Variants in MXI1 observed in about 807,000 individuals in gnomAD.
The protein encoded by MXI1 is max-interacting protein 1.
In MXI1, 18 loss-of-function variants were observed where a neutral mutation model predicts 36.9. The ratio of observed to expected loss-of-function variants is 0.49; its 90% CI spans 0.34 to 0.72. The LOEUF is 0.72. Among genes scored for constraint, MXI1 ranks in the 30% least tolerant of loss-of-function variants. The probability of loss-of-function intolerance (pLI) is 0.01; values close to 1 mark genes in which losing one functional copy is unlikely to be tolerated. For synonymous variants in MXI1, 160 were observed against 146.7 expected (o/e 1.09, Z -0.65); for missense variants, 304 against 379.1 (o/e 0.80, Z 1.64).
chr10:110,216,674 T>TTGTTTTGTTTTG (rs1564704560), intron 1 of MXI1, among the ~76,000 whole-genome samples: 4 of 93,172 alleles, frequency 4.3e-5, no homozygotes, highest in Non-Finnish European at 7.2e-5. Flanking sequence ...TGTTTTTTTT[T>TTGTTTTGTTTTG]TTTTTTTTTT....
intron 4 of MXI1, 110 bp downstream of exon 4, chr10:110,279,404 C>A: frequency 1.2e-6 from 1 of 866,178 alleles, no homozygotes; most frequent in Non-Finnish European, 1.9e-6. Context: ...TCCTTAATAA[C>A]TGACCTCAAG....
intron 3 of MXI1, among the ~76,000 whole-genome samples, chr10:110,248,858 AC>A (rs1359372652): frequency 6.6e-6 from 1 of 152,186 alleles, no homozygotes; most frequent in Non-Finnish European, 1.5e-5. Flanking sequence ...ATTTTTATCA[AC>A]AAAAATAAAA....
chr10:110,230,968 A>G (rs1055731897), intron 2 of MXI1, among the ~76,000 whole-genome samples: 8 of 152,250 alleles, frequency 5.3e-5, no homozygotes, highest in Non-Finnish European at 8.8e-5. Flanking sequence ...GATGTATGTT[A>G]TAAAATGACA....
intron 5 of MXI1, among the ~76,000 whole-genome samples, chr10:110,282,175 T>C (rs558921412): frequency 1.8e-4 from 27 of 152,344 alleles, no homozygotes; most frequent in Admixed American, 6.5e-5. Flanking sequence ...TTGGTTTTAC[T>C]ATTTTTTGAT....
chr10:110,226,364 C>T (rs1176093337), intron 1 of MXI1: 4 of 1,297,800 alleles, frequency 3.1e-6, no homozygotes, highest in Non-Finnish European at 4.0e-6. Context: ...AGGGAGGGCA[C>T]GCGTGTGAGG....
chr10:110,236,957 A>G (rs936043391), intron 2 of MXI1, among the ~76,000 whole-genome samples: 1 of 152,224 alleles, frequency 6.6e-6, no homozygotes, highest in Non-Finnish European at 1.5e-5. Flanking sequence ...AAATTTCAGC[A>G]GTATTTTTTA....
At chr10:110,256,086 C>T (rs1323458773) in intron 3 of MXI1, among the ~76,000 whole-genome samples, 3 of 152,108 alleles carry the variant, frequency 2.0e-5, no homozygotes, top group African/African-American at 7.2e-5. Context: ...ATAGAGCGGA[C>T]ACAACTGGAT....
chr10:110,226,200 C>T, intron 1 of MXI1: 1 of 1,472,696 alleles, frequency 6.8e-7, no homozygotes, highest in Non-Finnish European at 9.0e-7. Flanking sequence ...CGGTCGCCAC[C>T]CGCGGTGCCC....
intron 2 of MXI1, among the ~76,000 whole-genome samples, chr10:110,238,168 A>G (rs1318741272): frequency 6.6e-6 from 1 of 152,296 alleles, no homozygotes; most frequent in East Asian, 1.9e-4. Flanking sequence ...TTACATAAGC[A>G]TGATTGATTG....
At position 110,207,774 on chromosome 10, in the gene MXI1, G is replaced by A; in HGVS notation, c.-35G>A. 2.7e-6 allele frequency: 3 copies of A among 1,130,986 alleles called. No individual in the cohort carries two copies. Among genetic ancestry groups the A allele is most frequent in the Non-Finnish European group, 2.2e-6 (2 of 920,694 alleles). 70.1% of individuals were successfully genotyped at this position (1,130,986 alleles called of 1,614,324 possible). A position where few individuals can be genotyped will look rare whatever the true frequency, so the allele number is the denominator to read the frequency against. ...GAGCTCGGCCGGGCCGCGCAGCCCC[G>A]TTAGAGGACGAGCTCGGCGGACCCC... On this transcript the variant is annotated 5_prime_UTR_variant, in exon 1 of 6. Coordinates refer to ENST00000332674, the MANE Select transcript of MXI1 (RefSeq NM_130439.3).
rs1468342856 is a variant in MXI1, at chr10:110,284,930, T to C, written c.831T>C (p.Ser277=). ...TTGATGACCACAGCAGCCTGCCGAG[T>C]ATTGGGAGTGACGAGGGTTACTCCA... ...SDIDDHSSLP[S]IGSDEGYSSA... is the part of the protein sequence containing the mutation. The change falls in exon 6 of 6, where the codon AGT becomes AGC. Residue 277 remains serine (S), a synonymous_variant. Transcript: ENST00000332674. The C allele has an allele frequency of 6.2e-7, 1 of 1,613,690 alleles. No homozygotes were observed. The highest frequency in any genetic ancestry group is 8.5e-7 in the Non-Finnish European group (1 of 1,179,942).
intron 2 of MXI1, among the ~76,000 whole-genome samples, chr10:110,235,711 A>G (rs1376465972): frequency 1.3e-5 from 2 of 150,396 alleles, no homozygotes; most frequent in East Asian, 4.0e-4. Context: ...ATAAATAAAT[A>G]AATAAATAAG....
chr10:110,261,428 C>A (rs905467377), intron 3 of MXI1, among the ~76,000 whole-genome samples: 1 of 123,560 alleles, frequency 8.1e-6, no homozygotes, highest in Non-Finnish European at 1.7e-5. Context: ...CTATTCAAAC[C>A]ATTTTTTTTT....
At chr10:110,210,504 T>C (rs1407473618) in intron 1 of MXI1, among the ~76,000 whole-genome samples, 4 of 151,804 alleles carry the variant, frequency 2.6e-5, no homozygotes, top group Non-Finnish European at 5.9e-5. Context: ...GAGACCCCGC[T>C]CCAGGCCCTC....
intron 1 of MXI1, among the ~76,000 whole-genome samples, chr10:110,215,172 G>A (rs1854606835): frequency 1.3e-5 from 2 of 151,608 alleles, no homozygotes; most frequent in African/African-American, 4.9e-5. Flanking sequence ...CTCCCAAGTA[G>A]CTGGGACTAC....
At chr10:110,264,422 A>G (rs1460016229) in intron 3 of MXI1, among the ~76,000 whole-genome samples, 1 of 150,604 alleles carries the variant, frequency 6.6e-6, no homozygotes, top group Non-Finnish European at 1.5e-5. Flanking sequence ...CTGGAGTGCA[A>G]TGGTGTGATC....
At chr10:110,263,618 A>G (rs1791330084) in intron 3 of MXI1, among the ~76,000 whole-genome samples, 1 of 152,226 alleles carries the variant, frequency 6.6e-6, no homozygotes, top group Admixed American at 6.5e-5. Context: ...TTTGGAATTT[A>G]TACAAGTATC....
intron 2 of MXI1, among the ~76,000 whole-genome samples, chr10:110,240,758 A>G (rs1416086011): frequency 6.6e-6 from 1 of 152,020 alleles, no homozygotes; most frequent in African/African-American, 2.4e-5. Context: ...GTTAGAATTT[A>G]GCTTTGTAGA....
intron 2 of MXI1, among the ~76,000 whole-genome samples, chr10:110,236,711 T>C (rs1193052157): frequency 6.6e-6 from 1 of 152,200 alleles, no homozygotes; most frequent in Non-Finnish European, 1.5e-5. Context: ...TCCTGCCACC[T>C]CTACCTTCCA....
Sources: allele counts gnomAD v4.1 joint callset (sites outside exome capture counted in the v4.1 genomes callset), GRCh38; gene constraint gnomAD v4.1.1; transcripts MANE v1.5; gene names NCBI Gene and HGNC (gene_info 2026-07-23, HGNC 2026-07-21).